PTPN9: variants seen among roughly 807,000 people sequenced by gnomAD.
The protein encoded by PTPN9 is protein tyrosine phosphatase non-receptor type 9.
PTPN9 carries 26 observed loss-of-function variants against 69.8 expected under a neutral mutation model. The ratio of observed to expected loss-of-function variants is 0.37; its 90% CI spans 0.27 to 0.52. The LOEUF is 0.52. Ranked by LOEUF, PTPN9 falls within the 20% of genes least tolerant of loss-of-function variation. The pLI is 0.91. For synonymous variants in PTPN9, 274 were observed against 272.5 expected, an observed-to-expected ratio of 1.01 and a Z score of -0.05; for missense variants, 549 against 740.3, an observed-to-expected ratio of 0.74 and a Z score of 3.00.
intron 1 of PTPN9, among the ~76,000 whole-genome samples, chr15:75,540,704 TTTGGGAGGCTGAG>T (rs558742992): frequency 2.0e-5 from 3 of 152,068 alleles, no homozygotes; most frequent in East Asian, 3.9e-4. Context: ...ATTCCAGCAT[TTTGGGAGGCTGAG>T]GTGGGAGGAT....
chr15:75,568,524 AC>A (rs367944646), intron 1 of PTPN9, among the ~76,000 whole-genome samples: 6 of 145,974 alleles, frequency 4.1e-5, no homozygotes, highest in Non-Finnish European at 9.0e-5. Context: ...AAAAAAAAAA[AC>A]AAAACAAAAA....
At chr15:75,481,951 G>A in intron 8 of PTPN9, among the ~76,000 whole-genome samples, 1 of 146,300 alleles carries the variant, frequency 6.8e-6, no homozygotes, top group Non-Finnish European at 1.5e-5. Context: ...CCCCGTCTGG[G>A]AGGTGTGCCC....
chr15:75,562,250 T>C (rs2075107057), intron 1 of PTPN9, among the ~76,000 whole-genome samples: 1 of 152,184 alleles, frequency 6.6e-6, no homozygotes, highest in African/African-American at 2.4e-5. Context: ...CCTCATTAAA[T>C]CATATAATTT....
At chr15:75,552,559 G>C (rs1242512912) in intron 1 of PTPN9, among the ~76,000 whole-genome samples, 1 of 151,948 alleles carries the variant, frequency 6.6e-6, no homozygotes, top group African/African-American at 2.4e-5. Flanking sequence ...TCACCTTTAT[G>C]TTAAATGATC....
chr15:75,500,887 T>TA (rs1435024816), intron 7 of PTPN9, among the ~76,000 whole-genome samples: 1 of 151,018 alleles, frequency 6.6e-6, no homozygotes, highest in South Asian at 2.1e-4. Flanking sequence ...ACCCTGTCTC[T>TA]AAAAAAAATA....
chr15:75,497,548 T>C (rs890504460), intron 7 of PTPN9, among the ~76,000 whole-genome samples: 24 of 151,728 alleles, frequency 1.6e-4, no homozygotes, highest in Admixed American at 9.2e-4. Flanking sequence ...TGCCTGTAAT[T>C]CCAGCACTTT....
chr15:75,558,950 C>G (rs1009236682), intron 1 of PTPN9, among the ~76,000 whole-genome samples: 20 of 152,158 alleles, frequency 1.3e-4, no homozygotes, highest in African/African-American at 4.8e-4. Flanking sequence ...CCGGCTGCCA[C>G]CCCGTCTGGG....
intron 1 of PTPN9, among the ~76,000 whole-genome samples, chr15:75,531,179 T>G (rs2074962605): frequency 6.6e-6 from 1 of 151,520 alleles, no homozygotes; most frequent in Admixed American, 6.6e-5. Flanking sequence ...CCCAGGAAAG[T>G]CTAAACGGCC....
At chr15:75,530,890 ATATAT>A (rs1303524866) in intron 1 of PTPN9, among the ~76,000 whole-genome samples, 31 of 115,646 alleles carry the variant, frequency 2.7e-4, no homozygotes, top group South Asian at 4.6e-4. Flanking sequence ...ATATATTATT[ATATAT>A]TATATTATAT....
intron 1 of PTPN9, among the ~76,000 whole-genome samples, chr15:75,553,494 A>T (rs952373680): frequency 6.6e-6 from 1 of 152,152 alleles, no homozygotes; most frequent in Admixed American, 6.6e-5. Context: ...AAAACACAGT[A>T]ACTTGCCTCT....
At chr15:75,570,869 A>C (rs1230872662) in intron 1 of PTPN9, among the ~76,000 whole-genome samples, 1 of 152,204 alleles carries the variant, frequency 6.6e-6, no homozygotes, top group Non-Finnish European at 1.5e-5. Context: ...GGAATTCATA[A>C]GAACCTGTAC....
intron 4 of PTPN9, 114 bp from the exon 5 acceptor site, chr15:75,517,478 C>T (rs144627134): frequency 1.4e-6 from 1 of 706,264 alleles, no homozygotes; most frequent in East Asian, 2.8e-5. Context: ...AGGATCAAAA[C>T]AACTGCCTGA....
At chr15:75,500,156 A>C (rs535537038) in intron 7 of PTPN9, among the ~76,000 whole-genome samples, 1 of 152,148 alleles carries the variant, frequency 6.6e-6, no homozygotes, top group Admixed American at 6.6e-5. Flanking sequence ...TCTACTAAAA[A>C]TACAAAATTA....
chr15:75,470,082 C>A (rs748203950), intron 11 of PTPN9, 83 bp from the exon 12 acceptor site: 98 of 1,227,620 alleles, frequency 8.0e-5, no homozygotes, highest in Non-Finnish European at 1.1e-4. Context: ...ATTCTCAACA[C>A]CCTGGTTATC....
At chr15:75,482,610 A>C (rs1243915838) in intron 8 of PTPN9, among the ~76,000 whole-genome samples, 1 of 148,060 alleles carries the variant, frequency 6.8e-6, no homozygotes, top group Non-Finnish European at 1.5e-5. Flanking sequence ...ACCAATCCCT[A>C]ATCTCAAGTA....
At chr15:75,527,997 A>G (rs932636435) in intron 1 of PTPN9, among the ~76,000 whole-genome samples, 8 of 152,350 alleles carry the variant, frequency 5.3e-5, no homozygotes, top group Admixed American at 2.0e-4. Context: ...ACAGCAAAAG[A>G]ATCAGAAAAT....
At chr15:75,562,702 G>A (rs529688992) in intron 1 of PTPN9, among the ~76,000 whole-genome samples, 1 of 151,114 alleles carries the variant, frequency 6.6e-6, no homozygotes, top group East Asian at 1.9e-4. Context: ...TGTGGTGGCG[G>A]GCGCCCGTAG....
At chr15:75,563,414 T>C (rs1173353862) in intron 1 of PTPN9, among the ~76,000 whole-genome samples, 1 of 152,144 alleles carries the variant, frequency 6.6e-6, no homozygotes, top group African/African-American at 2.4e-5. Context: ...TCTCAAACTC[T>C]TGACCTCAAG....
chr15:75,488,396 C>A (rs1281788495), intron 8 of PTPN9, among the ~76,000 whole-genome samples: 2 of 150,398 alleles, frequency 1.3e-5, no homozygotes, highest in Non-Finnish European at 1.5e-5. Context: ...GGAGATATCA[C>A]CTAATAAAAT....
Sources: gnomAD v4.1 joint callset for allele counts (sites outside exome capture counted in the v4.1 genomes callset) on GRCh38, gnomAD v4.1.1 for gene constraint, MANE v1.5 for transcripts, NCBI Gene and HGNC (gene_info 2026-07-23, HGNC 2026-07-21) for gene names.